PCDHA3: variants seen among roughly 807,000 people sequenced by gnomAD.
PCDHA3 encodes the protein protocadherin alpha 3, also known as protocadherin alpha-3.
In PCDHA3, 41 loss-of-function variants were observed where a neutral mutation model predicts 62.2. That is an observed-to-expected ratio of 0.66 (90% CI 0.51 to 0.86). PCDHA3 has a LOEUF of 0.86. PCDHA3 is among the 40% of genes least tolerant of loss of function. PCDHA3 has a pLI of 0.00. For missense variants in PCDHA3, 1,304 were observed against 1,241.2 expected (o/e 1.05, Z -0.76); for synonymous variants, 640 against 555.4 (o/e 1.15, Z -2.14).
rs375261398 is a variant in PCDHA3 at position 140,910,786 on chromosome 5, A to G, written c.2395-68163A>G. On this transcript the variant is annotated intron_variant, in intron 1 of 3. Transcript: ENST00000522353. ...TAAACTCCCCAAGCTGCAACATTAA[A>G]TGCAGAATCCCTGCTTAGTGGGCCC... is the stretch of plus-strand genomic sequence containing the variant. 2.6e-3 allele frequency among the ~76,000 whole-genome samples: 391 copies of G among 152,326 alleles called. 2 individuals are homozygous for G. Among genetic ancestry groups the G allele is most frequent in the African/African-American group, 9.1e-3 (380 of 41,560 alleles).
At chr5:140,856,686 C>T (rs782337552) in intron 1 of PCDHA3, 1 of 1,597,202 alleles carries the variant, frequency 6.3e-7, no homozygotes, top group Non-Finnish European at 8.6e-7. Context: ...TTGTTGACAG[C>T]AACTGATGGA....
At position 140,850,957 on chromosome 5, in the gene PCDHA3, CA is replaced by C; in HGVS notation, c.2394+47367del. On this transcript the variant is annotated intron_variant, in intron 1 of 3. Transcript: ENST00000522353. ...CTTGAAAGATATTATCGATTACTCCCAGGGGCCGTTCAAATAGTTTTATTCA... is the reference window on the plus strand; with the variant it reads ...CTTGAAAGATATTATCGATTACTCCCGGGGCCGTTCAAATAGTTTTATTCA... The C allele has an allele frequency of 1.1e-5, 17 of 1,481,512 alleles. 4 individuals are homozygous for C. The highest frequency in any genetic ancestry group is 1.5e-5 in the Non-Finnish European group (17 of 1,106,408). The allele number at this position is 1,481,512 out of a possible 1,614,324, so 91.8% of individuals were successfully genotyped here. A position where few individuals can be genotyped will look rare whatever the true frequency, so the allele number is the denominator to read the frequency against.
At chr5:140,950,997 A>G (rs782438146) in intron 1 of PCDHA3, among the ~76,000 whole-genome samples, 6 of 151,460 alleles carry the variant, frequency 4.0e-5, no homozygotes, top group Non-Finnish European at 7.4e-5. Flanking sequence ...TTTTAGCTCC[A>G]TTTTTCCCAA....
chr5:140,902,203 CTTTTTTT>C (rs148688132), intron 1 of PCDHA3, among the ~76,000 whole-genome samples: 3 of 124,458 alleles, frequency 2.4e-5, no homozygotes, highest in African/African-American at 3.1e-5. Flanking sequence ...CTCTCTCTTT[CTTTTTTT>C]TTTTTTTTTT....
intron 1 of PCDHA3, among the ~76,000 whole-genome samples, chr5:140,963,916 T>A (rs186370400): frequency 2.0e-5 from 3 of 152,356 alleles, no homozygotes; most frequent in East Asian, 3.9e-4. Flanking sequence ...AAGCTTAGGC[T>A]AAGTAACATG....
chr5:140,971,000 T>G (rs1409787417), intron 1 of PCDHA3, among the ~76,000 whole-genome samples: 2 of 152,196 alleles, frequency 1.3e-5, no homozygotes, highest in African/African-American at 4.8e-5. Flanking sequence ...ATCAAAGAGT[T>G]TCCAGAAGTC....
intron 1 of PCDHA3, chr5:140,870,855 G>A: frequency 6.2e-7 from 1 of 1,613,910 alleles, no homozygotes; most frequent in Non-Finnish European, 8.5e-7. Flanking sequence ...CGCGGTCGGT[G>A]GGTGCGGGCC....
chr5:140,862,944 T>C (rs1554157274), intron 1 of PCDHA3: 3 of 542,156 alleles, frequency 5.5e-6, no homozygotes, highest in Admixed American at 3.9e-5. Flanking sequence ...GTGAGTGAGC[T>C]GGTGCGGTAT....
chr5:140,979,514 C>G lies in PCDHA3; in HGVS notation c.2453+507C>G, dbSNP rs75440413. On this transcript the variant is annotated intron_variant, in intron 2 of 3. Transcript: ENST00000522353. Reference sequence around the variant, plus strand: ...ATTAGAGCCTCCTCATCTTTCCCATCTGTTGCTATCTTATTGTCATCAATG... The same window carrying G: ...ATTAGAGCCTCCTCATCTTTCCCATGTGTTGCTATCTTATTGTCATCAATG... 4.7e-4 allele frequency among the ~76,000 whole-genome samples: 71 copies of G among 152,274 alleles called. 1 individual carries two copies. In the East Asian group the frequency reaches 0.014, roughly 29 times the overall value.
At chr5:140,868,317 C>G (rs2050392446) in intron 1 of PCDHA3, 2 of 151,824 alleles carry the variant, frequency 1.3e-5, no homozygotes, top group South Asian at 4.2e-4. Context: ...TCATATTGTT[C>G]TGCAATGAAT....
chr5:140,848,002 AG>A, intron 1 of PCDHA3: 1 of 156,592 alleles, frequency 6.4e-6, no homozygotes, highest in Admixed American at 6.0e-5. Flanking sequence ...CCAGAACAAA[AG>A]AATTTTGTAA....
chr5:140,926,812 G>C, intron 1 of PCDHA3: 3 of 1,459,082 alleles, frequency 2.1e-6, no homozygotes, highest in Non-Finnish European at 1.8e-6. Flanking sequence ...CCCGCGGCTC[G>C]TGCTCTCCAG....
At chr5:140,862,415 G>A (rs1382532896) in intron 1 of PCDHA3, 6 of 348,784 alleles carry the variant, frequency 1.7e-5, no homozygotes, top group Non-Finnish European at 2.8e-5. Context: ...TTCAAAAGGC[G>A]CTGCCCAGAA....
chr5:140,823,188 C>T (rs1562269864), intron 1 of PCDHA3: 1 of 1,613,902 alleles, frequency 6.2e-7, no homozygotes, highest in Admixed American at 1.7e-5. Flanking sequence ...CGCCAGGCTG[C>T]CACATCTTCA....
chr5:140,986,638 G>A (rs185773882), intron 3 of PCDHA3, among the ~76,000 whole-genome samples: 18 of 152,282 alleles, frequency 1.2e-4, no homozygotes, highest in Non-Finnish European at 2.6e-4. Flanking sequence ...CAGTACATTA[G>A]TTTTAGAGTG....
chr5:140,822,668 C>T (rs2150118431), intron 1 of PCDHA3: 1 of 1,607,766 alleles, frequency 6.2e-7, no homozygotes, highest in Non-Finnish European at 8.5e-7. Context: ...AATTCTAATA[C>T]TGGTGAAATA....
Position 140,870,951 on chromosome 5 carries a change from C to T in PCDHA3, c.2394+67360C>T, listed in dbSNP as rs781985952. 6 of 1,613,558 alleles carry T rather than the reference C, an allele frequency of 3.7e-6. No individual in the cohort carries two copies. The Admixed American group carries it at 1.0e-4, about 27-fold the overall frequency. ...ATGAATTGCAGCCGGCGGCGGGCGGCTCGCGCATCCCGTTCCGCGTGGGGC... is the reference window on the plus strand; with the variant it reads ...ATGAATTGCAGCCGGCGGCGGGCGGTTCGCGCATCCCGTTCCGCGTGGGGC... On this transcript the variant is annotated intron_variant, in intron 1 of 3. Transcript: ENST00000522353.
chr5:141,010,398 G>C lies in PCDHA3; in HGVS notation c.*461G>C. The C allele has an allele frequency of 7.6e-7, 1 of 1,323,994 alleles. No individual in the cohort carries two copies. Among genetic ancestry groups the C allele is most frequent in the South Asian group, 1.5e-5 (1 of 66,476 alleles). 82.0% of individuals were successfully genotyped at this position (1,323,994 alleles called of 1,614,324 possible). A position where few individuals can be genotyped will look rare whatever the true frequency, so the allele number is the denominator to read the frequency against. ...GCCAGATATTGGCTGAGACGAGCCA[G>C]CTTAGACTAATTGGTACAAGGAAGG... On this transcript the variant is annotated 3_prime_UTR_variant, in exon 4 of 4. Transcript: ENST00000522353.
At chr5:140,873,615 A>C (rs1487252868) in intron 1 of PCDHA3, among the ~76,000 whole-genome samples, 3 of 152,280 alleles carry the variant, frequency 2.0e-5, no homozygotes, top group African/African-American at 7.2e-5. Context: ...TTGGCTTAAC[A>C]ATTTGTTTAG....
Sources: gnomAD v4.1 joint callset for allele counts (sites outside exome capture counted in the v4.1 genomes callset) on GRCh38, gnomAD v4.1.1 for gene constraint, MANE v1.5 for transcripts, NCBI Gene and HGNC (gene_info 2026-07-23, HGNC 2026-07-21) for gene names.